CD3D: variants seen among roughly 807,000 people sequenced by gnomAD.
CD3D encodes the protein CD3 delta subunit of T-cell receptor complex.
CD3D carries 22 observed loss-of-function variants against 22.0 expected under a neutral mutation model. The observed-to-expected ratio is 1.00, with a 90% confidence interval of 0.71 to 1.43. CD3D has a LOEUF of 1.43. Among genes scored for constraint, CD3D ranks in the 40% most tolerant of loss-of-function variants. The pLI, the probability that CD3D is intolerant of heterozygous loss-of-function variation, is 0.00. For missense variants in CD3D, 205 were observed against 211.7 expected (o/e 0.97, Z 0.20); for synonymous variants, 74 against 81.2 (o/e 0.91, Z 0.48).
rs755751458 is a variant in CD3D, at chr11:118,339,793, T to C, written c.388A>G (p.Thr130Ala). 1.9e-6 allele frequency: 3 copies of C among 1,613,086 alleles called. No homozygotes were observed. The highest frequency in any genetic ancestry group is 2.5e-6 in the Non-Finnish European group (3 of 1,179,846). ...CACTAACCCCCAGACAGCCTTCCAG[T>C]CTCATGTCCAGCAAAGCAGAAGACT... The part of the protein sequence containing the change: ...LGVFCFAGHE[T>A]GRLSGAADTQ... Residue 130 changes from threonine to alanine, a missense_variant, in exon 3 of 5, where the codon ACT (threonine) becomes GCT (alanine). Coordinates refer to ENST00000300692, the MANE Select transcript of CD3D (RefSeq NM_000732.6).
downstream of CD3D, chr11:118,339,067 G>T: frequency 8.8e-7 from 1 of 1,142,010 alleles, no homozygotes; most frequent in Non-Finnish European, 1.3e-6. Flanking sequence ...AGAAGCCCAG[G>T]CACCTGCTGA....
downstream of CD3D, chr11:118,339,006 C>T (rs529398941): frequency 3.6e-5 from 27 of 750,722 alleles, no homozygotes; most frequent in East Asian, 3.0e-4. Context: ...GGTAGGAGGG[C>T]GAGATCCCAA....
At chr11:118,340,250 C>T in intron 2 of CD3D, 125 bp downstream of exon 2, 1 of 816,632 alleles carries the variant, frequency 1.2e-6, no homozygotes, top group South Asian at 1.4e-5. Flanking sequence ...TGGCTTGTAC[C>T]ATTACAATAG....
chr11:118,339,637 G>A lies in CD3D; in HGVS notation c.406+138C>T, dbSNP rs149624110. On this transcript the variant is annotated intron_variant, in intron 3 of 4. Coordinates refer to ENST00000300692, the MANE Select transcript of CD3D (RefSeq NM_000732.6). ...AAGTTCTAGGAGTCTTTAGGAGATT[G>A]CAAGAGTAACTCCCAGCTGAGACTA... 2.4e-5 allele frequency: 38 copies of A among 1,553,648 alleles called. No homozygotes were observed. In the East Asian group the frequency reaches 8.4e-4, roughly 34 times the overall value.
rs1948295495 is a variant in CD3D, at chr11:118,340,990, T to C, written c.56-397A>G. ...CGATTGGAAATGTCTGCATTTTTTCTTCAAGGAAACATCTAATTCCACTTC... is the reference window on the plus strand; with the variant it reads ...CGATTGGAAATGTCTGCATTTTTTCCTCAAGGAAACATCTAATTCCACTTC... On this transcript the variant is annotated intron_variant, in intron 1 of 4. Coordinates refer to ENST00000300692, the MANE Select transcript of CD3D (RefSeq NM_000732.6). 8.5e-6 allele frequency: 4 copies of C among 470,428 alleles called. No individual in the cohort carries two copies. In the Admixed American group the frequency reaches 9.3e-5, roughly 11 times the overall value. The allele number at this position is 470,428 out of a possible 1,614,324, so 29.1% of individuals were successfully genotyped here.
downstream of CD3D, chr11:118,338,976 G>T: frequency 3.0e-6 from 2 of 662,270 alleles, no homozygotes; most frequent in Admixed American, 4.2e-5. Flanking sequence ...GAAGGAAGGA[G>T]ATGAAGGAAG....
Position 118,340,486 on chromosome 11 carries a change from T to G in CD3D, c.163A>C (p.Ile55Leu), listed in dbSNP as rs1313114791. ...EGTVGTLLSD[I>L]TRLDLGKRIL... ...CGTTTTCCCAGGTCCAGTCTTGTAA[T>G]GTCTGAGAGCAGTGTTCCCACCGTT... The change falls in exon 2 of 5, where the codon ATT becomes CTT. Residue 55 changes from isoleucine (I) to leucine (L), a missense_variant. Coordinates refer to ENST00000300692, the MANE Select transcript of CD3D (RefSeq NM_000732.6). The G allele has an allele frequency of 6.2e-7, 1 of 1,614,062 alleles. No homozygotes were observed. The highest frequency in any genetic ancestry group is 1.7e-5 in the Admixed American group (1 of 60,018).
intron 1 of CD3D, chr11:118,341,076 C>T: frequency 2.5e-6 from 1 of 406,512 alleles, no homozygotes; most frequent in Non-Finnish European, 5.0e-6. Flanking sequence ...ATTGCCCCTG[C>T]TCCATTGACA....
chr11:118,341,780 A>G (rs903614478), intron 1 of CD3D, among the ~76,000 whole-genome samples: 10 of 152,182 alleles, frequency 6.6e-5, no homozygotes, highest in African/African-American at 9.7e-5. Context: ...AAATCCTACC[A>G]TGTAACAACC....
Position 118,339,813 on chromosome 11 carries a change from A to T in CD3D, c.368T>A (p.Phe123Tyr). ...TCCAGTCTCATGTCCAGCAAAGCAG[A>T]AGACTCCCAAAGCAAGGAGCAGAGT... ...IATLLLALGV[F>Y]CFAGHETGRL... Residue 123 changes from phenylalanine (F) to tyrosine (Y), a missense_variant, in exon 3 of 5, where the codon TTC (phenylalanine) becomes TAC (tyrosine). By Grantham distance (22) the Phe-to-Tyr change is conservative. Coordinates refer to ENST00000300692, the MANE Select transcript of CD3D (RefSeq NM_000732.6). 1 of 1,613,992 alleles carries T rather than the reference A, an allele frequency of 6.2e-7. No homozygotes were observed. The highest frequency in any genetic ancestry group is 1.1e-5 in the South Asian group (1 of 91,072).
chr11:118,340,641 C>G, intron 1 of CD3D, 48 bp from the exon 2 acceptor site: 1 of 1,346,766 alleles, frequency 7.4e-7, no homozygotes, highest in Non-Finnish European at 1.1e-6. Context: ...TTGATCTGCA[C>G]CAAGCCCTTT....
rs1364505791 is a variant in CD3D at position 118,339,743 on chromosome 11, AAC to A, written c.406+30_406+31del. The A allele has an allele frequency of 2.7e-6, 4 of 1,462,814 alleles. No individual in the cohort carries two copies. The African/African-American group carries it at 6.3e-5, about 23-fold the overall frequency. 90.6% of individuals were successfully genotyped at this position (1,462,814 alleles called of 1,614,324 possible). ...ACACACACACACACACACACACACAAACACACTCTCATGCTCTGCTCTTCCAC... is the reference window on the plus strand; with the variant it reads ...ACACACACACACACACACACACACAAACACTCTCATGCTCTGCTCTTCCAC... On this transcript the variant is annotated intron_variant, in intron 3 of 4. Transcript: ENST00000300692.
intron 4 of CD3D, 63 bp downstream of exon 4, chr11:118,339,388 T>C (rs1459485610): frequency 6.3e-7 from 1 of 1,579,242 alleles, no homozygotes; most frequent in East Asian, 2.2e-5. Flanking sequence ...CAGCATTCAG[T>C]GTGAGCCTCT....
chr11:118,339,401 A>G (rs1174526609), intron 4 of CD3D, 50 bp downstream of exon 4: 2 of 1,601,644 alleles, frequency 1.2e-6, no homozygotes, highest in Admixed American at 1.7e-5. Context: ...GAGCCTCTCT[A>G]TCCCCACTTA....
At position 118,339,135 on chromosome 11, in the gene CD3D, T is replaced by G; in HGVS notation, c.*27A>C. The G allele has an allele frequency of 6.3e-7, 1 of 1,597,226 alleles. No homozygotes were observed. The stretch of plus-strand genomic sequence containing the variant: ...AAGGGAAGGTACAGTTGGTAATGGC[T>G]GCTTCTAGAAGCCACCAGTCTCAGG... On this transcript the variant is annotated 3_prime_UTR_variant, in exon 5 of 5. Transcript: ENST00000300692.
intron 1 of CD3D, 43 bp downstream of exon 1, chr11:118,342,510 T>C: frequency 6.4e-7 from 1 of 1,558,958 alleles, no homozygotes; most frequent in South Asian, 1.1e-5. Flanking sequence ...ATCAGTAATG[T>C]CCCTCTCAGG....
intron 2 of CD3D, 77 bp downstream of exon 2, chr11:118,340,298 T>A: frequency 8.9e-7 from 1 of 1,128,572 alleles, no homozygotes; most frequent in Non-Finnish European, 1.3e-6. Context: ...GGGTTCACCA[T>A]ATCCCTCTCT....
chr11:118,342,441 G>A (rs1318655104), intron 1 of CD3D, 112 bp downstream of exon 1: 1 of 947,216 alleles, frequency 1.1e-6, no homozygotes, highest in Non-Finnish European at 1.7e-6. Flanking sequence ...AAAGCTCTGG[G>A]ATTACTGGTG....
chr11:118,341,264 A>AT (rs1482728992), intron 1 of CD3D, among the ~76,000 whole-genome samples: 2 of 152,140 alleles, frequency 1.3e-5, no homozygotes, highest in Non-Finnish European at 2.9e-5. Flanking sequence ...CAGGAAAAAA[A>AT]TTTTATTGAA....
Sources: gnomAD v4.1 joint callset for allele counts (sites outside exome capture counted in the v4.1 genomes callset) on GRCh38, gnomAD v4.1.1 for gene constraint, MANE v1.5 for transcripts, NCBI Gene and HGNC (gene_info 2026-07-23, HGNC 2026-07-21) for gene names.